Variants in MYO1E observed in about 807,000 individuals in gnomAD.
The protein encoded by MYO1E is myosin IE.
Under a neutral mutation model 151.1 loss-of-function variants are expected in MYO1E, and 68 were observed. The ratio of observed to expected loss-of-function variants is 0.45; its 90% CI spans 0.37 to 0.55. MYO1E has a LOEUF of 0.55. Among genes scored for constraint, MYO1E ranks in the 20% least tolerant of loss-of-function variants. The probability of loss-of-function intolerance (pLI) is 0.00; values close to 1 mark genes in which losing one functional copy is unlikely to be tolerated. For synonymous variants in MYO1E, 601 were observed against 501.7 expected, an observed-to-expected ratio of 1.20 and a Z score of -2.64; for missense variants, 1,363 against 1,389.3, an observed-to-expected ratio of 0.98 and a Z score of 0.30.
chr15:59,172,254 G>A (rs2079599995), intron 21 of MYO1E, among the ~76,000 whole-genome samples: 1 of 152,204 alleles, frequency 6.6e-6, no homozygotes, highest in South Asian at 2.1e-4. Context: ...CTACTTGGGA[G>A]GCTGAGGCAG....
chr15:59,158,169 G>T, intron 25 of MYO1E, 118 bp downstream of exon 25: 1 of 902,926 alleles, frequency 1.1e-6, no homozygotes, highest in Non-Finnish European at 1.8e-6. Flanking sequence ...GCACTGAAAT[G>T]GTCCATGCCT....
intron 25 of MYO1E, among the ~76,000 whole-genome samples, chr15:59,155,368 G>T (rs1261533013): frequency 2.0e-5 from 3 of 151,998 alleles, no homozygotes; most frequent in Non-Finnish European, 4.4e-5. Context: ...CATTTTTATT[G>T]TAACATACAA....
chr15:59,343,899 T>TAG (rs1331382394), intron 1 of MYO1E, among the ~76,000 whole-genome samples: 1 of 152,192 alleles, frequency 6.6e-6, no homozygotes, highest in Non-Finnish European at 1.5e-5. Context: ...TATCTGATAA[T>TAG]ATTCTGAGTT....
chr15:59,222,015 T>G (rs912139561), intron 9 of MYO1E, among the ~76,000 whole-genome samples: 1 of 152,222 alleles, frequency 6.6e-6, no homozygotes, highest in Non-Finnish European at 1.5e-5. Context: ...CTTATTATGA[T>G]TATTAGGTCA....
At chr15:59,174,751 C>T (rs1269069362) in intron 19 of MYO1E, among the ~76,000 whole-genome samples, 3 of 152,026 alleles carry the variant, frequency 2.0e-5, no homozygotes, top group Non-Finnish European at 4.4e-5. Flanking sequence ...ATATAGACTT[C>T]CTGTCTCAGG....
intron 3 of MYO1E, among the ~76,000 whole-genome samples, chr15:59,257,082 A>C (rs2080198048): frequency 6.6e-6 from 1 of 152,118 alleles, no homozygotes. Context: ...AACTAAATAC[A>C]TTTTCCATGC....
chr15:59,167,411 G>C (rs1339013708), intron 22 of MYO1E, among the ~76,000 whole-genome samples: 2 of 152,108 alleles, frequency 1.3e-5, no homozygotes, highest in African/African-American at 4.8e-5. Context: ...ACCTACAATA[G>C]CAAAGCCAAG....
intron 22 of MYO1E, among the ~76,000 whole-genome samples, chr15:59,165,987 C>T (rs1401389882): frequency 6.6e-6 from 1 of 152,232 alleles, no homozygotes; most frequent in African/African-American, 2.4e-5. Context: ...ATGAGCCCAA[C>T]ACAAGTCACC....
intron 1 of MYO1E, among the ~76,000 whole-genome samples, chr15:59,369,617 T>G (rs1365827051): frequency 1.6e-4 from 24 of 152,084 alleles, no homozygotes; most frequent in African/African-American, 5.3e-4. Flanking sequence ...ATGTGCAGGG[T>G]TTTTTTTAAC....
intron 1 of MYO1E, among the ~76,000 whole-genome samples, chr15:59,349,373 G>C (rs2080811458): frequency 6.6e-6 from 1 of 152,050 alleles, no homozygotes; most frequent in Admixed American, 6.6e-5. Flanking sequence ...GATTCCTCTA[G>C]CTCAGGGTTA....
intron 4 of MYO1E, among the ~76,000 whole-genome samples, chr15:59,251,461 G>A (rs532148136): frequency 7.9e-5 from 12 of 152,294 alleles, no homozygotes; most frequent in East Asian, 7.7e-4. Context: ...TGCAGTCAGC[G>A]TTACTTGATT....
intron 17 of MYO1E, among the ~76,000 whole-genome samples, chr15:59,190,157 C>T (rs2079724379): frequency 6.6e-6 from 1 of 152,234 alleles, no homozygotes. Context: ...GGGCTGCGTG[C>T]TGCGCGAGCT....
chr15:59,288,773 CA>C (rs11305198), intron 1 of MYO1E, among the ~76,000 whole-genome samples: 80,541 of 151,812 alleles, frequency 0.53, 22,148 homozygotes, highest in Middle Eastern at 0.68. Flanking sequence ...AAATGTGAGT[CA>C]ATTTGAATAT....
chr15:59,284,370 C>A (rs1321483010), intron 1 of MYO1E, among the ~76,000 whole-genome samples: 2 of 152,238 alleles, frequency 1.3e-5, no homozygotes, highest in African/African-American at 4.8e-5. Flanking sequence ...TGCCCCTAAA[C>A]ACAGTTCTCC....
chr15:59,201,902 C>T (rs1566977231), intron 16 of MYO1E, among the ~76,000 whole-genome samples: 1 of 152,112 alleles, frequency 6.6e-6, no homozygotes. Flanking sequence ...GCATAAATTG[C>T]CCCTAAAAGA....
intron 24 of MYO1E, among the ~76,000 whole-genome samples, chr15:59,160,656 C>A (rs537377759): frequency 1.6e-4 from 25 of 151,870 alleles, no homozygotes; most frequent in African/African-American, 5.6e-4. Flanking sequence ...TGGGTTCAAG[C>A]GATCGTCCGG....
At chr15:59,273,858 GC>G (rs1419237542) in intron 1 of MYO1E, among the ~76,000 whole-genome samples, 1 of 152,208 alleles carries the variant, frequency 6.6e-6, no homozygotes, top group East Asian at 1.9e-4. Context: ...ACTCGCCCCT[GC>G]CCCCTCCCTG....
intron 19 of MYO1E, 142 bp from the exon 20 acceptor site, chr15:59,174,382 G>GA: frequency 1.4e-6 from 1 of 699,446 alleles, no homozygotes; most frequent in Non-Finnish European, 2.6e-6. Context: ...ACGAATATGT[G>GA]AAACGCTTAC....
At chr15:59,275,490 C>A (rs201611068) in intron 1 of MYO1E, among the ~76,000 whole-genome samples, 1 of 152,124 alleles carries the variant, frequency 6.6e-6, no homozygotes, top group Non-Finnish European at 1.5e-5. Context: ...CTCATTCAAC[C>A]TTCACAACCA....
Sources: gnomAD v4.1 joint callset for allele counts (sites outside exome capture counted in the v4.1 genomes callset) on GRCh38, gnomAD v4.1.1 for gene constraint, MANE v1.5 for transcripts, NCBI Gene and HGNC (gene_info 2026-07-23, HGNC 2026-07-21) for gene names.